Variants in DGKH observed in about 807,000 individuals in gnomAD.
DGKH encodes diacylglycerol kinase eta.
A neutral mutation model predicts 159.3 loss-of-function variants in DGKH; 90 were observed. That is an observed-to-expected ratio of 0.57 (90% confidence interval 0.48 to 0.67). DGKH has a LOEUF of 0.67. DGKH is among the 30% of genes least tolerant of loss of function. The pLI is 0.00. For missense variants in DGKH, 1,181 were observed against 1,506.1 expected, an observed-to-expected ratio of 0.78 and a Z score of 3.57; for synonymous variants, 536 against 553.8, an observed-to-expected ratio of 0.97 and a Z score of 0.45.
intron 1 of DGKH, among the ~76,000 whole-genome samples, chr13:42,111,022 C>T (rs1407209377): frequency 6.6e-6 from 1 of 151,886 alleles, no homozygotes; most frequent in Non-Finnish European, 1.5e-5. Flanking sequence ...ACGTAACAAA[C>T]CTGCACATCC....
intron 1 of DGKH, among the ~76,000 whole-genome samples, chr13:42,112,276 C>A (rs1480468488): frequency 7.2e-6 from 1 of 138,676 alleles, no homozygotes; most frequent in African/African-American, 2.7e-5. Context: ...TACCATCTAG[C>A]CTTGTGGCTT....
In DGKH at chr13:42,224,521, C is replaced by T. The variant is rs1451436459; in HGVS notation, c.3573+3127C>T. Reference sequence around the variant, plus strand: ...CTCTGTCTTCACAGTCCATTATCCACGTTGCAACCAGAGTGTTATTTTAGC... The same window carrying T: ...CTCTGTCTTCACAGTCCATTATCCATGTTGCAACCAGAGTGTTATTTTAGC... On this transcript the variant is annotated intron_variant, in intron 29 of 29. Coordinates refer to ENST00000337343, the MANE Select transcript of DGKH (RefSeq NM_178009.5). 2.6e-5 allele frequency among the ~76,000 whole-genome samples: 4 copies of T among 152,332 alleles called. No homozygotes were observed. The South Asian group carries it at 6.2e-4, about 24-fold the overall frequency.
intron 1 of DGKH, among the ~76,000 whole-genome samples, chr13:42,112,165 C>A (rs1325449394): frequency 6.6e-6 from 1 of 151,954 alleles, no homozygotes; most frequent in Non-Finnish European, 1.5e-5. Context: ...AAACAAAAGT[C>A]GTATATGGTT....
At chr13:42,061,976 A>AGAGTGTGTGT (rs1555256114) in intron 1 of DGKH, among the ~76,000 whole-genome samples, 1 of 78,480 alleles carries the variant, frequency 1.3e-5, no homozygotes, top group Non-Finnish European at 3.0e-5. Flanking sequence ...AAAGATGGAG[A>AGAGTGTGTGT]GTGTGTGTGT....
At chr13:42,048,467 C>T (rs1238868642), upstream of DGKH, among the ~76,000 whole-genome samples, 9 of 152,244 alleles carry the variant, frequency 5.9e-5, no homozygotes, top group Non-Finnish European at 1.2e-4. The surrounding 1 kb of genome is among the most constrained non-coding windows in gnomAD (Gnocchi z 6.7). Flanking sequence ...TCACCCCATC[C>T]TCTCTACCCG....
chr13:42,159,540 C>T (rs567707532), intron 6 of DGKH, among the ~76,000 whole-genome samples, 168 bp downstream of exon 6: 14 of 152,164 alleles, frequency 9.2e-5, no homozygotes, highest in Admixed American at 6.5e-4. Context: ...GCTTCTTTAG[C>T]TCTTAGATTT....
chr13:42,153,902 G>C (rs1161409028), intron 3 of DGKH: 1 of 152,224 alleles, frequency 6.6e-6, no homozygotes, highest in Non-Finnish European at 1.5e-5. Context: ...ACTTTTGGCT[G>C]GCTGTATTTA....
At chr13:42,174,459 C>G (rs745531012) in intron 12 of DGKH, among the ~76,000 whole-genome samples, 3 of 152,180 alleles carry the variant, frequency 2.0e-5, no homozygotes, top group Non-Finnish European at 4.4e-5. Flanking sequence ...GTGTAAAGCA[C>G]TATCTCTTCT....
In DGKH at chr13:42,189,263, T is replaced by C. The variant is rs998806985; in HGVS notation, c.1866T>C (p.Asn622=). The C allele has an allele frequency of 1.9e-6, 3 of 1,614,052 alleles. No homozygotes were observed. The highest frequency in any genetic ancestry group is 2.5e-6 in the Non-Finnish European group (3 of 1,180,042). The change falls in exon 15 of 30, where the codon AAT becomes AAC. Residue 622 remains asparagine, a synonymous_variant. Coordinates refer to ENST00000337343, the MANE Select transcript of DGKH (RefSeq NM_178009.5). ...VKPREIMLRA[N]SLKKAVRQVI... ...CAAGGGAAATCATGTTGCGGGCAAA[T>C]AGTTTAAAGAAAGCAGTGAGGCAAG...
chr13:42,173,982 T>TTC, intron 11 of DGKH, 78 bp from the exon 12 acceptor site: 1 of 811,538 alleles, frequency 1.2e-6, no homozygotes, highest in Non-Finnish European at 2.1e-6. Context: ...TGTGTGTGTG[T>TTC]GCGCGTTTAT....
At chr13:42,118,709 C>T (rs1955009218) in intron 1 of DGKH, among the ~76,000 whole-genome samples, 1 of 152,154 alleles carries the variant, frequency 6.6e-6, no homozygotes, top group Non-Finnish European at 1.5e-5. Context: ...ATATTTAGGG[C>T]AGAGGAAGGA....
chr13:42,210,232 G>A (rs993798556), intron 23 of DGKH, among the ~76,000 whole-genome samples: 1 of 151,706 alleles, frequency 6.6e-6, no homozygotes, highest in Non-Finnish European at 1.5e-5. Flanking sequence ...GTACAGTGGT[G>A]TGATCATAGC....
chr13:42,255,279 A>C (rs1308635105), intron 30 of DGKH, among the ~76,000 whole-genome samples: 1 of 152,026 alleles, frequency 6.6e-6, no homozygotes, highest in Non-Finnish European at 1.5e-5. Context: ...GAATGAATGG[A>C]GATTTTTTTT....
rs1380296801 is a variant in DGKH at position 42,254,826 on chromosome 13, G to A, written n.4128-1458G>A. 5.3e-5 allele frequency among the ~76,000 whole-genome samples: 8 copies of A among 152,092 alleles called. No homozygotes were observed. In the East Asian group the frequency reaches 5.8e-4, roughly 11 times the overall value. ...GGATGAATGTTCAATGAAATGTTTCGTGATGATTTCTACATAGAATTAGAG... is the reference window on the plus strand; with the variant it reads ...GGATGAATGTTCAATGAAATGTTTCATGATGATTTCTACATAGAATTAGAG... On this transcript the variant is annotated intron_variant and non_coding_transcript_variant, in intron 30 of 30. Transcript: ENST00000498255.
chr13:42,198,834 C>G (rs1957273983), intron 18 of DGKH, among the ~76,000 whole-genome samples: 1 of 152,078 alleles, frequency 6.6e-6, no homozygotes, highest in Non-Finnish European at 1.5e-5. Flanking sequence ...GAGAGCAACC[C>G]TCTGGCAAAG....
intron 3 of DGKH, among the ~76,000 whole-genome samples, chr13:42,134,114 A>G (rs1002804113): frequency 6.6e-6 from 1 of 152,220 alleles, no homozygotes; most frequent in Non-Finnish European, 1.5e-5. Context: ...TGGAAAATGG[A>G]AAACCTGTGC....
chr13:42,104,415 G>A (rs564172015), intron 1 of DGKH, among the ~76,000 whole-genome samples: 5 of 152,218 alleles, frequency 3.3e-5, no homozygotes, highest in Admixed American at 2.0e-4. Flanking sequence ...ACCATTGCTC[G>A]CATTTCATTG....
rs371929684 is a variant in DGKH, at chr13:42,166,597, A to G, written c.1041A>G (p.Val347=). 5 of 1,609,850 alleles carry G rather than the reference A, an allele frequency of 3.1e-6. No homozygotes were observed. The African/African-American group carries it at 4.0e-5, about 13-fold the overall frequency. Residue 347 remains valine, a synonymous_variant, in exon 9 of 30, where the codon GTA becomes GTG. Transcript: ENST00000337343. The part of the protein sequence containing the change: ...VNSKSGDNQG[V]KFLRRFKQLL... Reference sequence around the variant, plus strand: ...CTAAGAGTGGAGATAATCAGGGAGTAAAGTTCCTCCGTCGCTTTAAACAGT... The same window carrying G: ...CTAAGAGTGGAGATAATCAGGGAGTGAAGTTCCTCCGTCGCTTTAAACAGT...
intron 7 of DGKH, among the ~76,000 whole-genome samples, chr13:42,163,227 G>A (rs1188805722): frequency 6.6e-6 from 1 of 151,712 alleles, no homozygotes. Context: ...ATTCCATGGT[G>A]TATATGTGCC....
Sources: gnomAD v4.1 joint callset for allele counts (sites outside exome capture counted in the v4.1 genomes callset) on GRCh38, gnomAD v4.1.1 for gene constraint, Gnocchi (gnomAD v3.1) non-coding constraint, MANE v1.5 for transcripts, NCBI Gene and HGNC (gene_info 2026-07-23, HGNC 2026-07-21) for gene names.